BRIX1: variants seen among roughly 807,000 people sequenced by gnomAD.
BRIX1 encodes the protein ribosome biogenesis protein BRX1 homolog.
BRIX1 carries 15 observed loss-of-function variants against 44.0 expected under a neutral mutation model. That is an observed-to-expected ratio of 0.34 (90% CI 0.23 to 0.53). BRIX1 has a LOEUF of 0.53. BRIX1 is among the 20% of genes least tolerant of loss of function. The probability of loss-of-function intolerance (pLI) is 0.95; values close to 1 mark genes in which losing one functional copy is unlikely to be tolerated. For synonymous variants in BRIX1, 149 were observed against 135.4 expected (o/e 1.10, Z -0.70); for missense variants, 420 against 432.8 (o/e 0.97, Z 0.26).
intron 9 of BRIX1, 35 bp downstream of exon 9, chr5:34,925,010 A>G (rs1764340795): frequency 1.3e-6 from 2 of 1,589,292 alleles, no homozygotes; most frequent in Non-Finnish European, 1.7e-6. Flanking sequence ...TCTTCAATGT[A>G]CCAGAACCCT....
chr5:34,922,414 A>G (rs72732838), intron 4 of BRIX1, 125 bp from the exon 5 acceptor site: 11,494 of 892,310 alleles, frequency 0.013, 112 homozygotes, highest in Middle Eastern at 0.028. Context: ...TGATTTCACG[A>G]AACTTGATAC....
rs537531976 is a variant in BRIX1 at position 34,922,778 on chromosome 5, T to G, written c.510+10T>G. 1.1e-5 allele frequency: 18 copies of G among 1,611,394 alleles called. No homozygotes were observed. The South Asian group carries it at 1.9e-4, about 17-fold the overall frequency. ...TTTGTCTTTTGACCCTGTAAGTTTC[T>G]CATTCAGTGTATGAGGTCTAATTTT... On this transcript the variant is annotated intron_variant, in intron 6 of 9. Transcript: ENST00000336767.
In BRIX1 at chr5:34,915,718, G is replaced by A; in HGVS notation, c.-21G>A. ...GCGGCAGCGCCGGAAAGGAGGCCAA[G>A]AGCGCGGGCGGCGAGGCAAGATGGC... On this transcript the variant is annotated 5_prime_UTR_variant, in exon 1 of 10. Transcript: ENST00000336767. 1 of 1,589,330 alleles carries A rather than the reference G, an allele frequency of 6.3e-7. No homozygotes were observed. The highest frequency in any genetic ancestry group is 1.3e-5 in the African/African-American group (1 of 74,290).
chr5:34,918,801 A>C, intron 2 of BRIX1: 2 of 185,554 alleles, frequency 1.1e-5, no homozygotes, highest in Non-Finnish European at 2.1e-5. Context: ...GGACTGCCAC[A>C]TGTTGCTTTT....
intron 1 of BRIX1, chr5:34,916,519 C>T (rs1764096423): frequency 6.6e-6 from 1 of 152,218 alleles, no homozygotes; most frequent in Admixed American, 6.5e-5. Flanking sequence ...GTGACCTCTT[C>T]CTCCTGAAAT....
At chr5:34,923,827 ACTGT>A (rs1458435340) in intron 8 of BRIX1, among the ~76,000 whole-genome samples, 1 of 152,212 alleles carries the variant, frequency 6.6e-6, no homozygotes, top group African/African-American at 2.4e-5. Flanking sequence ...GTAACTATGT[ACTGT>A]CTTATATCTT....
At chr5:34,915,998 C>T in intron 1 of BRIX1, 101 bp downstream of exon 1, 1 of 1,366,916 alleles carries the variant, frequency 7.3e-7, no homozygotes, top group South Asian at 1.6e-5. Flanking sequence ...TCAGAGTAGC[C>T]CGGGTGTTAA....
At chr5:34,922,931 A>G in intron 6 of BRIX1, 70 bp from the exon 7 acceptor site, 1 of 1,289,500 alleles carries the variant, frequency 7.8e-7, no homozygotes, top group Non-Finnish European at 1.1e-6. Context: ...CAAGTTATAG[A>G]AACAAATGAG....
chr5:34,924,750 C>T (rs1764315699), intron 8 of BRIX1, 97 bp from the exon 9 acceptor site: 1 of 705,672 alleles, frequency 1.4e-6, no homozygotes, highest in African/African-American at 1.8e-5. Context: ...TATGGATTAT[C>T]AATTATTTCA....
At chr5:34,916,579 A>G (rs41270677) in intron 1 of BRIX1, 1 of 152,350 alleles carries the variant, frequency 6.6e-6, no homozygotes, top group South Asian at 2.1e-4. Flanking sequence ...GATGGTTTTT[A>G]TTCAAAAGAA....
Position 34,922,982 on chromosome 5 carries a change from GCTTACC to G in BRIX1, c.511-18_511-13del. 2.0e-6 allele frequency: 3 copies of G among 1,487,400 alleles called. No homozygotes were observed. Among genetic ancestry groups the G allele is most frequent in the Non-Finnish European group, 2.8e-6 (3 of 1,070,258 alleles). The allele number at this position is 1,487,400 out of a possible 1,614,324, so 92.1% of individuals were successfully genotyped here. On this transcript the variant is annotated splice_polypyrimidine_tract_variant and intron_variant, in intron 6 of 9. Transcript: ENST00000336767. ...AAGGCAGTCTACTGTTAAATAATAT[GCTTACC>G]TTATTTTTATAGGCTTTTGATGAAT...
chr5:34,915,712 G>A lies in BRIX1; in HGVS notation c.-27G>A. 6.3e-7 allele frequency: 1 copy of A among 1,583,710 alleles called. No homozygotes were observed. Among genetic ancestry groups the A allele is most frequent in the Non-Finnish European group, 8.6e-7 (1 of 1,165,756 alleles). On this transcript the variant is annotated 5_prime_UTR_variant, in exon 1 of 10. Coordinates refer to ENST00000336767, the MANE Select transcript of BRIX1 (RefSeq NM_018321.4). ...GAGCGAGCGGCAGCGCCGGAAAGGA[G>A]GCCAAGAGCGCGGGCGGCGAGGCAA...
chr5:34,925,811 A>G lies in BRIX1; in HGVS notation c.*316A>G, dbSNP rs1464156865. The G allele has an allele frequency of 4.4e-6, 1 of 228,162 alleles. No individual in the cohort carries two copies. The highest frequency in any genetic ancestry group is 8.6e-6 in the Non-Finnish European group (1 of 116,894). The allele number at this position is 228,162 out of a possible 1,614,324, so 14.1% of individuals were successfully genotyped here. ...ACATTTATTAGGTCATATTATTTGT[A>G]AAAGCATTCAACACTTCAAGAGCAT... On this transcript the variant is annotated 3_prime_UTR_variant, in exon 10 of 10. Transcript: ENST00000336767.
chr5:34,922,568 C>T lies in BRIX1; in HGVS notation c.416C>T (p.Ala139Val). ...TCAAATTCACCTCACGGACCATCTG[C>T]TAAATTCCTTGTTCAAAATAGTAAG... ...WLSNSPHGPS[A>V]KFLVQNIHTL... Residue 139 changes from alanine (A) to valine (V), a missense_variant, in exon 5 of 10, where the codon GCT (alanine) becomes GTT (valine). Coordinates refer to ENST00000336767, the MANE Select transcript of BRIX1 (RefSeq NM_018321.4). The T allele has an allele frequency of 6.2e-7, 1 of 1,609,394 alleles. No individual in the cohort carries two copies. Among genetic ancestry groups the T allele is most frequent in the African/African-American group, 1.3e-5 (1 of 74,962 alleles).
At chr5:34,923,301 C>CTCTGTCTCAAA in intron 8 of BRIX1, 67 bp downstream of exon 8, 5 of 1,269,876 alleles carry the variant, frequency 3.9e-6, no homozygotes, top group Non-Finnish European at 5.7e-6. Context: ...TGTTTTGAGA[C>CTCTGTCTCAAA]AGAGTCTCGC....
Position 34,925,584 on chromosome 5 carries a change from C to T in BRIX1, c.*89C>T, listed in dbSNP as rs763753384. ...ACTTTTATTATCTAATACTATCTTACGTCTAATTAGTGTAGCATTTACAAG... is the reference window on the plus strand; with the variant it reads ...ACTTTTATTATCTAATACTATCTTATGTCTAATTAGTGTAGCATTTACAAG... On this transcript the variant is annotated 3_prime_UTR_variant, in exon 10 of 10. Coordinates refer to ENST00000336767, the MANE Select transcript of BRIX1 (RefSeq NM_018321.4). 2.0e-5 allele frequency: 22 copies of T among 1,105,498 alleles called. No homozygotes were observed. Among genetic ancestry groups the T allele is most frequent in the Middle Eastern group, 2.7e-4 (1 of 3,648 alleles). The allele number at this position is 1,105,498 out of a possible 1,614,324, so 68.5% of individuals were successfully genotyped here. A position where few individuals can be genotyped will look rare whatever the true frequency, so the allele number is the denominator to read the frequency against.
Position 34,925,553 on chromosome 5 carries a change from G to A in BRIX1, c.*58G>A. On this transcript the variant is annotated 3_prime_UTR_variant, in exon 10 of 10. Coordinates refer to ENST00000336767, the MANE Select transcript of BRIX1 (RefSeq NM_018321.4). ...TTTATATTTATTTTGTATTCAATGTGTAAATACTTTTATTATCTAATACTA... is the reference window on the plus strand; with the variant it reads ...TTTATATTTATTTTGTATTCAATGTATAAATACTTTTATTATCTAATACTA... 6.9e-7 allele frequency: 1 copy of A among 1,447,730 alleles called. No individual in the cohort carries two copies. The highest frequency in any genetic ancestry group is 9.4e-7 in the Non-Finnish European group (1 of 1,068,680). 89.7% of individuals were successfully genotyped at this position (1,447,730 alleles called of 1,614,324 possible). A position where few individuals can be genotyped will look rare whatever the true frequency, so the allele number is the denominator to read the frequency against.
At chr5:34,917,207 T>C (rs970626715) in intron 1 of BRIX1, among the ~76,000 whole-genome samples, 1 of 152,168 alleles carries the variant, frequency 6.6e-6, no homozygotes, top group Non-Finnish European at 1.5e-5. Context: ...TAGAGCCAGA[T>C]TGGATTGCAT....
intron 2 of BRIX1, 146 bp from the exon 3 acceptor site, chr5:34,919,694 T>G (rs975668915): frequency 1.7e-5 from 6 of 355,004 alleles, no homozygotes; most frequent in Admixed American, 1.5e-4. Flanking sequence ...TGTTTCCAGC[T>G]CTTGTTTTGA....
Sources: allele counts gnomAD v4.1 joint callset (sites outside exome capture counted in the v4.1 genomes callset), GRCh38; gene constraint gnomAD v4.1.1; transcripts MANE v1.5; gene names NCBI Gene and HGNC (gene_info 2026-07-23, HGNC 2026-07-21).